Variants in LANCL1 observed in about 807,000 individuals in gnomAD.
LANCL1 encodes the protein glutathione S-transferase LANCL1.
In LANCL1, 50 loss-of-function variants were observed where a neutral mutation model predicts 50.6. The observed-to-expected ratio is 0.99, with a 90% CI of 0.79 to 1.25. LANCL1 has a LOEUF of 1.25. LANCL1 is among the 50% of genes most tolerant of loss of function. LANCL1 has a pLI of 0.00. For synonymous variants in LANCL1, 188 were observed against 178.6 expected, an observed-to-expected ratio of 1.05 and a Z score of -0.42; for missense variants, 532 against 480.7, an observed-to-expected ratio of 1.11 and a Z score of -1.00.
At chr2:210,446,625 T>C (rs1028509941) in intron 4 of LANCL1, among the ~76,000 whole-genome samples, 4 of 151,876 alleles carry the variant, frequency 2.6e-5, no homozygotes, top group Admixed American at 6.6e-5. Flanking sequence ...CTTAGAGGAA[T>C]TGCTAACTAG....
chr2:210,439,580 C>T (rs1224621148), intron 6 of LANCL1, among the ~76,000 whole-genome samples: 1 of 152,188 alleles, frequency 6.6e-6, no homozygotes, highest in Non-Finnish European at 1.5e-5. Flanking sequence ...TAAATGTCAA[C>T]ATCCTAATTA....
At position 210,436,344 on chromosome 2, in the gene LANCL1, C is replaced by T. The variant is rs148198424; in HGVS notation, c.922G>A (p.Val308Met). ...TTCAGCAACCCATATTGCCAGATCA[C>T]ATCAGCACACTGATAGGCATCACAG... is the stretch of plus-strand genomic sequence containing the variant. The part of the protein sequence containing the change: ...YLCDAYQCAD[V>M]IWQYGLLKKG... The change falls in exon 8 of 10, where the codon GTG becomes ATG. Residue 308 changes from valine to methionine, a missense_variant. By Grantham distance (21) the Val-to-Met change is conservative. Transcript: ENST00000450366. 9.4e-5 allele frequency: 151 copies of T among 1,614,074 alleles called. No individual in the cohort carries two copies. In the African/African-American group the frequency reaches 1.8e-3, roughly 19 times the overall value.
At chr2:210,454,912 T>C (rs1399376597) in intron 4 of LANCL1, among the ~76,000 whole-genome samples, 195 bp downstream of exon 4, 1 of 152,230 alleles carries the variant, frequency 6.6e-6, no homozygotes, top group Non-Finnish European at 1.5e-5. Context: ...CAGTGTCTTT[T>C]ATCTTGCACT....
At chr2:210,437,037 T>TA (rs1305638106) in intron 7 of LANCL1, among the ~76,000 whole-genome samples, 6 of 152,194 alleles carry the variant, frequency 3.9e-5, no homozygotes, top group Admixed American at 2.6e-4. Flanking sequence ...CGCCCAGCGA[T>TA]AGTCTGCAGA....
At chr2:210,453,413 C>T (rs1429180222) in intron 4 of LANCL1, among the ~76,000 whole-genome samples, 1 of 152,120 alleles carries the variant, frequency 6.6e-6, no homozygotes, top group Non-Finnish European at 1.5e-5. Flanking sequence ...GGCGTGTTGT[C>T]CCCAGGTATA....
intron 2 of LANCL1, among the ~76,000 whole-genome samples, chr2:210,474,759 T>TAAATAAATAAATAAAC (rs1157915031): frequency 2.5e-4 from 38 of 151,500 alleles, no homozygotes; most frequent in African/African-American, 9.0e-4. Context: ...AATAAATAAA[T>TAAATAAATAAATAAAC]AAAGGGTTAA....
At chr2:210,455,544 A>T (rs978020197) in intron 3 of LANCL1, among the ~76,000 whole-genome samples, 1 of 152,142 alleles carries the variant, frequency 6.6e-6, no homozygotes, top group Non-Finnish European at 1.5e-5. Context: ...TGACAACTCT[A>T]TTAAATAATA....
At chr2:210,475,979 G>C (rs1199519242) in intron 2 of LANCL1, among the ~76,000 whole-genome samples, 1 of 152,064 alleles carries the variant, frequency 6.6e-6, no homozygotes, top group African/African-American at 2.4e-5. Context: ...CGGCACATGT[G>C]AATACCGTTA....
rs765290197 is a variant in LANCL1, at chr2:210,476,677, T to C, written c.-74A>G. 39 of 1,215,064 alleles carry C rather than the reference T, an allele frequency of 3.2e-5. No homozygotes were observed. The highest frequency in any genetic ancestry group is 3.9e-5 in the Non-Finnish European group (38 of 972,876). The allele number at this position is 1,215,064 out of a possible 1,614,324, so 75.3% of individuals were successfully genotyped here. ...TCCCACGCCCGCGACTTGAAGCAAG[T>C]GCGCCTCCCGCGTCCTGAAGCCCTT... On this transcript the variant is annotated 5_prime_UTR_variant, in exon 1 of 10. Transcript: ENST00000450366.
chr2:210,440,494 G>T, intron 6 of LANCL1, 104 bp downstream of exon 6: 1 of 1,103,628 alleles, frequency 9.1e-7, no homozygotes, highest in Non-Finnish European at 1.3e-6. Flanking sequence ...GTAATGCAGT[G>T]GTTGACAGAA....
chr2:210,459,914 T>C (rs1007502846), intron 3 of LANCL1, among the ~76,000 whole-genome samples: 1 of 152,036 alleles, frequency 6.6e-6, no homozygotes, highest in African/African-American at 2.4e-5. Context: ...GGGACACTTC[T>C]AAATCTGCAA....
Position 210,475,925 on chromosome 2 carries a change from T to A in LANCL1, c.81+391A>T, listed in dbSNP as rs1395665153. 5.3e-5 allele frequency among the ~76,000 whole-genome samples: 8 copies of A among 152,298 alleles called. No homozygotes were observed. In the East Asian group the frequency reaches 1.5e-3, roughly 29 times the overall value. ...TACCATACACCACCGTTTGCTCTCA[T>A]CATTACCCTGAACGCACTTGTGTAT... On this transcript the variant is annotated intron_variant, in intron 2 of 9. Coordinates refer to ENST00000450366, the MANE Select transcript of LANCL1 (RefSeq NM_006055.3).
intron 3 of LANCL1, among the ~76,000 whole-genome samples, chr2:210,466,943 C>CAA (rs35109214): frequency 9.8e-4 from 146 of 149,634 alleles, no homozygotes; most frequent in African/African-American, 3.4e-3. Flanking sequence ...GTGGATATGG[C>CAA]AAAAAAAAAG....
intron 4 of LANCL1, among the ~76,000 whole-genome samples, chr2:210,449,629 T>TA (rs915740037): frequency 6.6e-6 from 1 of 152,112 alleles, no homozygotes; most frequent in Admixed American, 6.6e-5. Flanking sequence ...AAGATCTCCT[T>TA]AAGCTGCTGA....
intron 8 of LANCL1, among the ~76,000 whole-genome samples, 153 bp from the exon 9 acceptor site, chr2:210,435,612 A>C (rs906931532): frequency 6.6e-6 from 1 of 152,210 alleles, no homozygotes; most frequent in Non-Finnish European, 1.5e-5. Context: ...ATGGTTTGAA[A>C]GAGTACACAG....
Position 210,433,094 on chromosome 2 carries a change from A to AAAT in LANCL1, c.*1390_*1392dup, listed in dbSNP as rs1434341034. 6.6e-6 allele frequency: 1 copy of AAAT among 152,632 alleles called. No homozygotes were observed. The highest frequency in any genetic ancestry group is 1.5e-5 in the Non-Finnish European group (1 of 68,050). The allele number at this position is 152,632 out of a possible 1,614,324, so 9.5% of individuals were successfully genotyped here. A position where few individuals can be genotyped will look rare whatever the true frequency, so the allele number is the denominator to read the frequency against. ...TGTTTTTGTGACCAAGAGAGCTGTG[A>AAAT]AATAGGCACATTTAAAATACTTAGA... On this transcript the variant is annotated 3_prime_UTR_variant, in exon 10 of 10. Transcript: ENST00000450366.
intron 4 of LANCL1, among the ~76,000 whole-genome samples, chr2:210,447,221 C>A (rs900918037): frequency 1.3e-5 from 2 of 152,164 alleles, no homozygotes; most frequent in Non-Finnish European, 2.9e-5. Context: ...GAATTTTCAA[C>A]CTAGAATTTT....
upstream of LANCL1, among the ~76,000 whole-genome samples, chr2:210,477,102 G>A (rs115899361): frequency 7.4e-3 from 1,119 of 151,294 alleles, 13 homozygotes; most frequent in African/African-American, 0.026. Context: ...GGGGGGTGGG[G>A]GGATAATGTC....
rs534318324 is a variant in LANCL1, at chr2:210,471,729, G to C, written c.199+230C>G. ...AGTATAGCAGCCATCCAAATGTCAGGCATGAATTACATGAATATGCTTACC... is the reference window on the plus strand; with the variant it reads ...AGTATAGCAGCCATCCAAATGTCAGCCATGAATTACATGAATATGCTTACC... On this transcript the variant is annotated intron_variant, in intron 3 of 9. Coordinates refer to ENST00000450366, the MANE Select transcript of LANCL1 (RefSeq NM_006055.3). 6 of 727,384 alleles carry C rather than the reference G, an allele frequency of 8.2e-6. No individual in the cohort carries two copies. The East Asian group carries it at 1.6e-4, about 19-fold the overall frequency. The allele number at this position is 727,384 out of a possible 1,614,324, so 45.1% of individuals were successfully genotyped here. A position where few individuals can be genotyped will look rare whatever the true frequency, so the allele number is the denominator to read the frequency against.
Sources: gnomAD v4.1 joint callset for allele counts (sites outside exome capture counted in the v4.1 genomes callset) on GRCh38, gnomAD v4.1.1 for gene constraint, MANE v1.5 for transcripts, NCBI Gene and HGNC (gene_info 2026-07-23, HGNC 2026-07-21) for gene names.